Variants in RASSF3 observed in about 807,000 individuals in gnomAD.
The protein encoded by RASSF3 is ras association domain-containing protein 3.
RASSF3 carries 19 observed loss-of-function variants against 19.9 expected under a neutral mutation model. The observed-to-expected ratio is 0.96, with a 90% CI of 0.67 to 1.40. The LOEUF (loss-of-function observed/expected upper bound fraction) is 1.40, where lower values mean the gene tolerates loss of function less well. Ranked by LOEUF, RASSF3 falls within the 40% of genes most tolerant of loss-of-function variation. The pLI is 0.00. For missense variants in RASSF3, 306 were observed against 289.8 expected, an observed-to-expected ratio of 1.06 and a Z score of -0.41; for synonymous variants, 110 against 104.2, an observed-to-expected ratio of 1.06 and a Z score of -0.34.
intron 2 of RASSF3, among the ~76,000 whole-genome samples, chr12:64,555,268 G>A (rs556146871): frequency 1.4e-3 from 209 of 152,100 alleles, no homozygotes; most frequent in Non-Finnish European, 2.7e-3. Context: ...TTCTAGAAAT[G>A]TAGTCTTGCT....
upstream of RASSF3, among the ~76,000 whole-genome samples, chr12:64,531,969 A>G (rs908862563): frequency 6.6e-6 from 1 of 152,244 alleles, no homozygotes; most frequent in African/African-American, 2.4e-5. Flanking sequence ...CCTCTGCCTC[A>G]GGACACCAGA....
intron 2 of RASSF3, among the ~76,000 whole-genome samples, chr12:64,563,140 C>CT (rs1435627329): frequency 6.6e-6 from 1 of 151,634 alleles, no homozygotes; most frequent in Non-Finnish European, 1.5e-5. Context: ...ATATTTTTTT[C>CT]TTTTTTTCTG....
Position 64,610,721 on chromosome 12 carries a change from G to A in RASSF3, c.89G>A (p.Gly30Asp), listed in dbSNP as rs1426584507. 5 of 1,590,732 alleles carry A rather than the reference G, an allele frequency of 3.1e-6. No individual in the cohort carries two copies. Among genetic ancestry groups the A allele is most frequent in the African/African-American group, 1.4e-5 (1 of 72,026 alleles). ...RTSFFRRAPQ[G>D]KPRSGQQDVE... ...TCCTTCTTCAGGAGAGCGCCCCAGG[G>A]CAAGCCCCGCTCCGGCCAACAAGTG... The change falls in exon 1 of 5, where the codon GGC becomes GAC. Residue 30 changes from glycine to aspartate, a missense_variant. Coordinates refer to ENST00000542104, the MANE Select transcript of RASSF3 (RefSeq NM_178169.4).
At chr12:64,582,058 C>T (rs1325400295) in intron 2 of RASSF3, among the ~76,000 whole-genome samples, 1 of 151,834 alleles carries the variant, frequency 6.6e-6, no homozygotes, top group East Asian at 1.9e-4. Context: ...ATGCGGTTGC[C>T]CAGGTGGGGG....
At chr12:64,651,130 A>G (rs1021685588) in intron 1 of RASSF3, among the ~76,000 whole-genome samples, 1 of 152,208 alleles carries the variant, frequency 6.6e-6, no homozygotes, top group Non-Finnish European at 1.5e-5. Context: ...ACTGCATTTC[A>G]GACACATCTA....
At chr12:64,510,865 G>C (rs1868324040) in intron 1 of RASSF3, among the ~76,000 whole-genome samples, 2 of 152,150 alleles carry the variant, frequency 1.3e-5, no homozygotes, top group African/African-American at 4.8e-5. Context: ...TAGGCTGCTG[G>C]GAAGATCAAG....
chr12:64,670,888 G>A (rs1005852016), intron 1 of RASSF3, among the ~76,000 whole-genome samples: 8 of 152,144 alleles, frequency 5.3e-5, no homozygotes, highest in African/African-American at 1.4e-4. Context: ...GGATAGACCC[G>A]GGTAGGAACC....
chr12:64,650,939 T>C (rs920626637), intron 1 of RASSF3, among the ~76,000 whole-genome samples: 1 of 152,222 alleles, frequency 6.6e-6, no homozygotes, highest in African/African-American at 2.4e-5. Flanking sequence ...CGCGATTGTA[T>C]GGCTGGCTCT....
chr12:64,554,867 G>T (rs1226935276), intron 2 of RASSF3, among the ~76,000 whole-genome samples: 3 of 152,154 alleles, frequency 2.0e-5, no homozygotes, highest in African/African-American at 7.2e-5. Context: ...CATAGTGGAG[G>T]CTCAATTAAT....
At chr12:64,661,677 C>CTTTTTTTTTTTTTT (rs71092993) in intron 1 of RASSF3, among the ~76,000 whole-genome samples, 21 of 78,976 alleles carry the variant, frequency 2.7e-4, no homozygotes, top group Admixed American at 4.5e-4. Context: ...TTTTCTTTTT[C>CTTTTTTTTTTTTTT]TTTTTTTTTT....
chr12:64,510,918 T>G (rs1260884298), intron 1 of RASSF3, among the ~76,000 whole-genome samples: 2 of 152,176 alleles, frequency 1.3e-5, no homozygotes, highest in Admixed American at 6.5e-5. Context: ...TGTGCTACTT[T>G]GAGAGCTTGT....
intron 1 of RASSF3, among the ~76,000 whole-genome samples, chr12:64,671,164 G>T (rs1872690645): frequency 6.6e-6 from 1 of 152,150 alleles, no homozygotes; most frequent in Non-Finnish European, 1.5e-5. Flanking sequence ...GCCCTGTCTG[G>T]TTTTGGATGA....
At chr12:64,543,189 C>CG (rs1203899978), downstream of RASSF3, among the ~76,000 whole-genome samples, 4 of 80,714 alleles carry the variant, frequency 5.0e-5, no homozygotes, top group African/African-American at 1.4e-4. Flanking sequence ...CTTGGAGTGG[C>CG]GGGCCCCGCA....
intron 1 of RASSF3, among the ~76,000 whole-genome samples, chr12:64,510,528 G>A (rs191334973): frequency 3.2e-4 from 49 of 152,154 alleles, no homozygotes; most frequent in Non-Finnish European, 4.1e-4. Context: ...AACATAAATG[G>A]CCTCAGGGCA....
intron 1 of RASSF3, among the ~76,000 whole-genome samples, chr12:64,618,300 G>A (rs1870622319): frequency 6.6e-6 from 1 of 152,032 alleles, no homozygotes. Context: ...TATCAGTAGT[G>A]TTGTCAAATA....
At chr12:64,650,482 C>G (rs1871910249) in intron 1 of RASSF3, among the ~76,000 whole-genome samples, 1 of 124,628 alleles carries the variant, frequency 8.0e-6, no homozygotes, top group Admixed American at 1.1e-4. Context: ...TGGTGCAAGT[C>G]TGGGTTCACT....
intron 1 of RASSF3, among the ~76,000 whole-genome samples, chr12:64,539,505 G>T (rs1019290596): frequency 1.3e-5 from 2 of 152,024 alleles, no homozygotes; most frequent in Admixed American, 6.6e-5. Context: ...GCCTGGGTGC[G>T]GTGGCTTATA....
intron 2 of RASSF3, among the ~76,000 whole-genome samples, chr12:64,580,446 C>G (rs1869673117): frequency 6.6e-6 from 1 of 152,018 alleles, no homozygotes; most frequent in Non-Finnish European, 1.5e-5. Context: ...CACCTGTAGT[C>G]CCAGATTCCT....
At chr12:64,514,109 G>A (rs958976683) in intron 1 of RASSF3, among the ~76,000 whole-genome samples, 2 of 147,178 alleles carry the variant, frequency 1.4e-5, no homozygotes, top group East Asian at 4.0e-4. Context: ...GGCTGGTCTC[G>A]AACTCCTGAC....
Sources: allele counts gnomAD v4.1 joint callset (sites outside exome capture counted in the v4.1 genomes callset), GRCh38; gene constraint gnomAD v4.1.1; transcripts MANE v1.5; gene names NCBI Gene and HGNC (gene_info 2026-07-23, HGNC 2026-07-21).